The following PITPNM2 variants were observed in gnomAD, a reference collection of about 807,000 sequenced individuals.
PITPNM2 encodes phosphatidylinositol transfer protein membrane associated 2, also known as membrane-associated phosphatidylinositol transfer protein 2.
In PITPNM2, 35 loss-of-function variants were observed where a neutral mutation model predicts 132.2. The ratio of observed to expected loss-of-function variants is 0.26; its 90% CI spans 0.20 to 0.35. The LOEUF (loss-of-function observed/expected upper bound fraction) is 0.35. Among genes scored for constraint, PITPNM2 ranks in the 10% least tolerant of loss-of-function variants. The pLI, the probability that PITPNM2 is intolerant of heterozygous loss-of-function variation, is 1.00. For missense variants in PITPNM2, 1,332 were observed against 1,912.0 expected (o/e 0.70, Z 5.66); for synonymous variants, 738 against 799.2 (o/e 0.92, Z 1.29).
intron 8 of PITPNM2, among the ~76,000 whole-genome samples, chr12:123,002,524 C>T (rs2038741851): frequency 6.6e-6 from 1 of 151,936 alleles, no homozygotes; most frequent in South Asian, 2.1e-4. Flanking sequence ...GTGATCCTCC[C>T]ATCTCAGCCT....
chr12:123,114,142 C>T (rs2032059838), intron 1 of PITPNM2, among the ~76,000 whole-genome samples: 1 of 152,126 alleles, frequency 6.6e-6, no homozygotes, highest in Admixed American at 6.5e-5. Flanking sequence ...TGAATAAATG[C>T]TACTGTGAAC....
intron 2 of PITPNM2, among the ~76,000 whole-genome samples, chr12:123,104,331 G>C (rs1231658072): frequency 6.6e-6 from 1 of 152,218 alleles, no homozygotes; most frequent in African/African-American, 2.4e-5. Context: ...CCAAGCCATC[G>C]CATCCCCTGT....
At chr12:123,042,083 C>T (rs899653566) in intron 2 of PITPNM2, among the ~76,000 whole-genome samples, 4 of 152,026 alleles carry the variant, frequency 2.6e-5, no homozygotes, top group African/African-American at 9.7e-5. Flanking sequence ...ACCAGGGTTC[C>T]AGGCACAGGC....
Position 122,984,668 on chromosome 12 carries a change from T to C in PITPNM2, c.*1359A>G, listed in dbSNP as rs1190931536. ...CTGTGCACCTCCCCAGCCCGGTCCA[T>C]GCGTCCCAACACCAGACCCAGGTCG... On this transcript the variant is annotated 3_prime_UTR_variant, in exon 26 of 26. Coordinates refer to ENST00000320201, the MANE Select transcript of PITPNM2 (RefSeq NM_020845.3). 1.3e-5 allele frequency: 2 copies of C among 152,188 alleles called. No homozygotes were observed. The highest frequency in any genetic ancestry group is 6.5e-5 in the Admixed American group (1 of 15,282). 9.4% of individuals were successfully genotyped at this position (152,188 alleles called of 1,614,324 possible). A position where few individuals can be genotyped will look rare whatever the true frequency, so the allele number is the denominator to read the frequency against.
intron 3 of PITPNM2, 59 bp from the exon 4 acceptor site, chr12:123,014,101 G>A (rs1354213601): frequency 6.3e-7 from 1 of 1,581,690 alleles, no homozygotes; most frequent in Non-Finnish European, 8.7e-7. Flanking sequence ...CAGGAGGGAA[G>A]GGGCACAGGA....
At chr12:123,032,263 G>A (rs2040120731) in intron 3 of PITPNM2, among the ~76,000 whole-genome samples, 1 of 152,226 alleles carries the variant, frequency 6.6e-6, no homozygotes, top group African/African-American at 2.4e-5. Context: ...TGGATCACAA[G>A]GTCAGGAGAC....
intron 2 of PITPNM2, among the ~76,000 whole-genome samples, chr12:123,073,023 C>G (rs187053546): frequency 2.0e-5 from 3 of 152,350 alleles, no homozygotes; most frequent in East Asian, 3.9e-4. Flanking sequence ...TCGCCTGCCC[C>G]CCTCCCCAGA....
chr12:123,069,597 C>A (rs1297519371), intron 2 of PITPNM2, among the ~76,000 whole-genome samples: 1 of 152,150 alleles, frequency 6.6e-6, no homozygotes, highest in Admixed American at 6.5e-5. Context: ...GCCTTCCAGG[C>A]CCCCTGGAAG....
chr12:123,058,822 G>A lies in PITPNM2; in HGVS notation c.-95-24137C>T, dbSNP rs764135962. The stretch of plus-strand genomic sequence containing the variant: ...CACGGGGTCCACCTGGAAAATTCTC[G>A]AAGTGTCTATTAAGAATCAGCTTAC... On this transcript the variant is annotated intron_variant, in intron 2 of 25. Coordinates refer to ENST00000320201, the MANE Select transcript of PITPNM2 (RefSeq NM_020845.3). This position sits in a 1 kb window ranked among gnomAD's most constrained non-coding sequence, Gnocchi z 4.0. Among the ~76,000 whole-genome samples, 7 of 152,014 alleles carry A rather than the reference G, an allele frequency of 4.6e-5. No homozygotes were observed. Among genetic ancestry groups the A allele is most frequent in the Non-Finnish European group, 5.9e-5 (4 of 67,992 alleles).
At chr12:123,007,022 G>T (rs1300440225) in intron 6 of PITPNM2, among the ~76,000 whole-genome samples, 1 of 152,078 alleles carries the variant, frequency 6.6e-6, no homozygotes, top group African/African-American at 2.4e-5. Flanking sequence ...ACACACCATC[G>T]CCGGCGACAG....
At chr12:123,129,653 T>C (rs1216368927) in intron 1 of PITPNM2, among the ~76,000 whole-genome samples, 1 of 152,168 alleles carries the variant, frequency 6.6e-6, no homozygotes, top group African/African-American at 2.4e-5. Context: ...GTTTTATTTG[T>C]ATATTTTTCT....
intron 2 of PITPNM2, among the ~76,000 whole-genome samples, chr12:123,101,104 T>C (rs1237934982): frequency 2.0e-5 from 3 of 152,252 alleles, no homozygotes; most frequent in African/African-American, 7.2e-5. Context: ...ACCTAATAAG[T>C]GCCTGACACA....
At chr12:123,048,410 T>G (rs1432555952) in intron 2 of PITPNM2, among the ~76,000 whole-genome samples, 8 of 151,252 alleles carry the variant, frequency 5.3e-5, no homozygotes, top group African/African-American at 1.7e-4. Flanking sequence ...GTTTTTTTTT[T>G]GTTTTTTTTT....
intron 2 of PITPNM2, among the ~76,000 whole-genome samples, chr12:123,061,016 C>A (rs935797111): frequency 6.6e-6 from 1 of 151,962 alleles, no homozygotes; most frequent in Non-Finnish European, 1.5e-5. Context: ...ATGTAGCTAC[C>A]GCGCCATTCA....
intron 1 of PITPNM2, among the ~76,000 whole-genome samples, chr12:123,122,328 G>A (rs2043048282): frequency 1.3e-5 from 2 of 152,106 alleles, no homozygotes; most frequent in East Asian, 1.9e-4. Flanking sequence ...CGGGCGTGGT[G>A]ACACACGCCT....
In PITPNM2 at chr12:123,005,200, G is replaced by T; in HGVS notation, c.952+40C>A. ...AGTGTGTGGGGCTGCCTTGAGGGGA[G>T]GGACCTTGAGTGTGGGTGGCAGGTG... On this transcript the variant is annotated intron_variant, in intron 7 of 25. Coordinates refer to ENST00000320201, the MANE Select transcript of PITPNM2 (RefSeq NM_020845.3). The surrounding 1 kb of genome is among the most constrained non-coding windows in gnomAD (Gnocchi z 6.2). 6.3e-7 allele frequency: 1 copy of T among 1,584,634 alleles called. No homozygotes were observed.
intron 2 of PITPNM2, among the ~76,000 whole-genome samples, chr12:123,070,250 T>A (rs1279348253): frequency 6.6e-6 from 1 of 152,108 alleles, no homozygotes; most frequent in Non-Finnish European, 1.5e-5. Flanking sequence ...CTGAAAGCTA[T>A]CAGACTGCAA....
chr12:123,067,662 G>A (rs2041472022), intron 2 of PITPNM2, among the ~76,000 whole-genome samples: 1 of 152,182 alleles, frequency 6.6e-6, no homozygotes, highest in African/African-American at 2.4e-5. Context: ...AGGGAGTGTG[G>A]TCCTGCTGAC....
intron 2 of PITPNM2, among the ~76,000 whole-genome samples, chr12:123,102,809 G>A (rs2042596316): frequency 6.6e-6 from 1 of 152,224 alleles, no homozygotes. Context: ...CAACCTAAGT[G>A]TATGGGTCCT....
Sources: gnomAD v4.1 joint callset for allele counts (sites outside exome capture counted in the v4.1 genomes callset) on GRCh38, gnomAD v4.1.1 for gene constraint, Gnocchi (gnomAD v3.1) non-coding constraint, MANE v1.5 for transcripts, NCBI Gene and HGNC (gene_info 2026-07-23, HGNC 2026-07-21) for gene names.